The following GLIS3 variants were observed in gnomAD, a reference collection of about 807,000 sequenced individuals.
GLIS3 encodes the protein zinc finger protein GLIS3.
GLIS3 carries 53 observed loss-of-function variants against 78.6 expected under a neutral mutation model. That is an observed-to-expected ratio of 0.67 (90% CI 0.54 to 0.85). The LOEUF is 0.85. Ranked by LOEUF, GLIS3 falls within the 40% of genes least tolerant of loss-of-function variation. The pLI, the probability that GLIS3 is intolerant of heterozygous loss-of-function variation, is 0.00. For missense variants in GLIS3, 1,703 were observed against 1,231.1 expected (o/e 1.38, Z -5.74); for synonymous variants, 684 against 509.9 (o/e 1.34, Z -4.60).
intron 2 of GLIS3, among the ~76,000 whole-genome samples, chr9:4,232,010 C>G (rs770677267): frequency 5.9e-5 from 9 of 152,100 alleles, no homozygotes; most frequent in Admixed American, 3.3e-4. Context: ...TAATTTCACT[C>G]AACATTTAGC....
chr9:4,293,553 G>C (rs1027811877), intron 1 of GLIS3, among the ~76,000 whole-genome samples: 1 of 152,212 alleles, frequency 6.6e-6, no homozygotes, highest in Non-Finnish European at 1.5e-5. Flanking sequence ...AGACAGAAGT[G>C]GAATCTATCG....
intron 2 of GLIS3, among the ~76,000 whole-genome samples, chr9:4,174,548 A>G (rs546470553): frequency 6.6e-6 from 1 of 152,380 alleles, no homozygotes; most frequent in South Asian, 2.1e-4. Context: ...TATGCAAAAA[A>G]TGATTCCTAT....
At chr9:4,472,217 G>A in the GLIS3 span, among the ~76,000 whole-genome samples, 5 of 152,158 alleles carry the variant, frequency 3.3e-5, no homozygotes, top group Non-Finnish European at 7.3e-5. Context: ...CAAGGATCTA[G>A]AACTAGAAAT....
the GLIS3 span, among the ~76,000 whole-genome samples, chr9:4,374,163 C>T: frequency 6.6e-6 from 1 of 152,194 alleles, no homozygotes; most frequent in Non-Finnish European, 1.5e-5. Context: ...CTTGTTGAAA[C>T]TGCTTCAGTG....
intron 2 of GLIS3, among the ~76,000 whole-genome samples, chr9:4,257,798 C>G (rs900076928): frequency 1.3e-5 from 2 of 152,068 alleles, no homozygotes; most frequent in Non-Finnish European, 2.9e-5. Flanking sequence ...TGGTCTCGAT[C>G]TCCTGACCTC....
chr9:3,902,321 C>G (rs1019644779), intron 6 of GLIS3, among the ~76,000 whole-genome samples: 2 of 152,118 alleles, frequency 1.3e-5, no homozygotes, highest in African/African-American at 4.8e-5. Context: ...ATCTTCAGAC[C>G]AGGAAAGGGG....
chr9:4,082,944 C>T (rs545781482), intron 4 of GLIS3, among the ~76,000 whole-genome samples: 3 of 152,152 alleles, frequency 2.0e-5, no homozygotes, highest in Admixed American at 1.3e-4. Flanking sequence ...GGGCTCAATG[C>T]TATTTTAGAT....
intron 2 of GLIS3, among the ~76,000 whole-genome samples, chr9:4,268,858 A>T (rs1322917696): frequency 6.6e-6 from 1 of 151,980 alleles, no homozygotes; most frequent in African/African-American, 2.4e-5. Context: ...GTATCTCCCA[A>T]CCCCTTCCTT....
Position 4,231,759 on chromosome 9 carries a change from T to C in GLIS3, c.388+54279A>G, listed in dbSNP as rs56304011. Among the ~76,000 whole-genome samples the C allele has an allele frequency of 3.5e-3, 540 of 152,318 alleles. 3 individuals carry two copies. Among genetic ancestry groups the C allele is most frequent in the African/African-American group, 0.012 (510 of 41,564 alleles). On this transcript the variant is annotated intron_variant, in intron 2 of 10. Coordinates refer to ENST00000381971, the MANE Select transcript of GLIS3 (RefSeq NM_001042413.2). ...TCAATCATTAAGGCAAAATAAGACA[T>C]TTTCAGGCATTCAAAGATCAAAATT...
chr9:4,235,350 G>A (rs1054716811), intron 2 of GLIS3, among the ~76,000 whole-genome samples: 3 of 150,974 alleles, frequency 2.0e-5, no homozygotes, highest in South Asian at 2.1e-4. Context: ...GGTAAAGTTG[G>A]GGAGGGTCTC....
the GLIS3 span, among the ~76,000 whole-genome samples, chr9:4,430,946 G>A: frequency 6.7e-6 from 1 of 150,112 alleles, no homozygotes; most frequent in Non-Finnish European, 1.5e-5. Flanking sequence ...TGTGAGAAGT[G>A]AATATCTGCT....
chr9:4,390,392 G>C, the GLIS3 span, among the ~76,000 whole-genome samples: 2 of 151,000 alleles, frequency 1.3e-5, no homozygotes, highest in Admixed American at 6.6e-5. Context: ...TTTAAACAGG[G>C]TCTTGCTCAG....
At chr9:3,859,383 A>G (rs1820017762) in intron 8 of GLIS3, among the ~76,000 whole-genome samples, 1 of 103,092 alleles carries the variant, frequency 9.7e-6, no homozygotes, top group Non-Finnish European at 2.4e-5. Context: ...ACACACACAC[A>G]CACACACACA....
the GLIS3 span, among the ~76,000 whole-genome samples, chr9:4,407,738 C>T: frequency 1.6e-4 from 24 of 152,222 alleles, no homozygotes; most frequent in East Asian, 7.7e-4. Context: ...ACCCCGCAAG[C>T]GCAAACAAAG....
intron 9 of GLIS3, among the ~76,000 whole-genome samples, chr9:3,847,681 C>T (rs1433922042): frequency 6.6e-6 from 1 of 152,228 alleles, no homozygotes; most frequent in African/African-American, 2.4e-5. Flanking sequence ...TCTCACACCC[C>T]TTCCACAAAA....
chr9:4,177,113 T>C (rs1816877005), intron 2 of GLIS3, among the ~76,000 whole-genome samples: 1 of 151,556 alleles, frequency 6.6e-6, no homozygotes. Context: ...GAGTGTTATC[T>C]TGTCAATTTG....
intron 2 of GLIS3, among the ~76,000 whole-genome samples, chr9:4,265,593 A>C (rs1258364878): frequency 6.6e-6 from 1 of 152,170 alleles, no homozygotes; most frequent in Non-Finnish European, 1.5e-5. Context: ...CTAAAACAAA[A>C]ATGTTGTCAC....
the GLIS3 span, among the ~76,000 whole-genome samples, chr9:4,372,912 C>T: frequency 9.2e-5 from 14 of 152,210 alleles, no homozygotes; most frequent in African/African-American, 3.4e-4. Flanking sequence ...TGGGCAGTGA[C>T]TTCTCAGGAA....
At chr9:4,161,794 C>T (rs1245870519) in intron 2 of GLIS3, among the ~76,000 whole-genome samples, 4 of 151,236 alleles carry the variant, frequency 2.6e-5, no homozygotes, top group Admixed American at 2.6e-4. Context: ...ATCCTCCCCA[C>T]TCAGCCTCTC....
Sources: allele counts gnomAD v4.1 joint callset (sites outside exome capture counted in the v4.1 genomes callset), GRCh38; gene constraint gnomAD v4.1.1; transcripts MANE v1.5; gene names NCBI Gene and HGNC (gene_info 2026-07-23, HGNC 2026-07-21).